TTC28: variants seen among roughly 807,000 people sequenced by gnomAD.
The protein encoded by TTC28 is tetratricopeptide repeat protein 28.
In TTC28, 61 loss-of-function variants were observed where a neutral mutation model predicts 198.0. The observed-to-expected ratio is 0.31, with a 90% confidence interval of 0.25 to 0.38. The LOEUF (loss-of-function observed/expected upper bound fraction) is 0.38, where lower values mean the gene tolerates loss of function less well. TTC28 is among the 10% of genes least tolerant of loss of function. TTC28 has a pLI of 1.00. For synonymous variants in TTC28, 1,171 were observed against 1,297.8 expected (o/e 0.90, Z 2.10); for missense variants, 2,678 against 3,164.0 (o/e 0.85, Z 3.69).
At chr22:27,993,172 C>T in intron 18 of TTC28, 115 bp downstream of exon 18, 2 of 977,070 alleles carry the variant, frequency 2.0e-6, no homozygotes, top group Non-Finnish European at 2.9e-6. Flanking sequence ...TCAGGACACC[C>T]TCCTGCTCCT....
At chr22:28,239,277 G>A (rs1364181969) in intron 5 of TTC28, among the ~76,000 whole-genome samples, 1 of 152,094 alleles carries the variant, frequency 6.6e-6, no homozygotes, top group African/African-American at 2.4e-5. Flanking sequence ...TGTCCAATAT[G>A]GTAGCCAATA....
At chr22:28,570,571 G>T (rs2050044142) in intron 2 of TTC28, among the ~76,000 whole-genome samples, 1 of 152,112 alleles carries the variant, frequency 6.6e-6, no homozygotes. Flanking sequence ...GGAGGAGAGT[G>T]AGGATCAGAA....
intron 3 of TTC28, among the ~76,000 whole-genome samples, chr22:28,305,093 C>T (rs942838861): frequency 2.0e-5 from 3 of 152,012 alleles, no homozygotes; most frequent in Non-Finnish European, 2.9e-5. Flanking sequence ...CAGGTTCAAG[C>T]GATTCTCCTG....
chr22:28,463,657 C>A (rs1283603977), intron 2 of TTC28, among the ~76,000 whole-genome samples: 3 of 151,044 alleles, frequency 2.0e-5, no homozygotes, highest in African/African-American at 7.3e-5. Flanking sequence ...CAAACTATGG[C>A]AAGGACAAAA....
chr22:28,640,874 C>T (rs2051354113), intron 1 of TTC28, among the ~76,000 whole-genome samples: 1 of 151,986 alleles, frequency 6.6e-6, no homozygotes, highest in Admixed American at 6.6e-5. Flanking sequence ...AGGTATCTAC[C>T]CAAATGAACT....
intron 5 of TTC28, among the ~76,000 whole-genome samples, chr22:28,187,444 A>G (rs1924303627): frequency 6.6e-6 from 1 of 152,200 alleles, no homozygotes; most frequent in Admixed American, 6.5e-5. Context: ...AAACTTCCTG[A>G]ACCAATGGTA....
chr22:28,163,809 G>A (rs983975305), intron 5 of TTC28, among the ~76,000 whole-genome samples: 6 of 152,184 alleles, frequency 3.9e-5, no homozygotes, highest in African/African-American at 1.4e-4. Flanking sequence ...CGGACAGTGG[G>A]TGCAGCGCAC....
At chr22:28,504,177 T>C (rs1323603517) in intron 2 of TTC28, among the ~76,000 whole-genome samples, 1 of 152,236 alleles carries the variant, frequency 6.6e-6, no homozygotes, top group Non-Finnish European at 1.5e-5. Flanking sequence ...CTCATCTGTG[T>C]AATAAATCTA....
intron 2 of TTC28, 35 bp from the exon 3 acceptor site, chr22:28,306,678 T>C: frequency 6.5e-7 from 1 of 1,548,680 alleles, no homozygotes; most frequent in African/African-American, 1.4e-5. Context: ...ATATAATGCC[T>C]GTGCTCCAAC....
Position 28,660,504 on chromosome 22 carries a change from T to C in TTC28, c.102+19118A>G, listed in dbSNP as rs148102626. Among the ~76,000 whole-genome samples the C allele has an allele frequency of 2.1e-4, 32 of 152,164 alleles. No individual in the cohort carries two copies. The East Asian group carries it at 6.2e-3, about 29-fold the overall frequency. On this transcript the variant is annotated intron_variant, in intron 1 of 22. Transcript: ENST00000397906. ...CCACACCCGGCTAATTTTTTGTTTT[T>C]GTTTTGTTTTGATTTGGTTTGGTTT...
intron 12 of TTC28, among the ~76,000 whole-genome samples, chr22:28,037,374 A>T (rs1939406056): frequency 6.6e-6 from 1 of 152,222 alleles, no homozygotes; most frequent in African/African-American, 2.4e-5. Flanking sequence ...TACGAAAATC[A>T]ATAAACGTAA....
chr22:28,137,290 G>A (rs1378959241), intron 6 of TTC28, among the ~76,000 whole-genome samples: 1 of 152,068 alleles, frequency 6.6e-6, no homozygotes, highest in Non-Finnish European at 1.5e-5. Flanking sequence ...AATGTTCTAG[G>A]GAGTTGTCTC....
At chr22:28,359,888 A>G (rs2046132442) in intron 2 of TTC28, among the ~76,000 whole-genome samples, 1 of 152,152 alleles carries the variant, frequency 6.6e-6, no homozygotes, top group Non-Finnish European at 1.5e-5. Flanking sequence ...AGATAGCTCC[A>G]TTCCAAGCAA....
At chr22:28,386,207 G>A (rs953230183) in intron 2 of TTC28, among the ~76,000 whole-genome samples, 2 of 141,904 alleles carry the variant, frequency 1.4e-5, no homozygotes, top group African/African-American at 2.6e-5. Context: ...CCCGGGAGGC[G>A]GAGCTTGCAG....
chr22:28,071,748 G>GAAAAAAAAAAAAAAAAAAAAA (rs371615737), intron 12 of TTC28, among the ~76,000 whole-genome samples: 11 of 91,130 alleles, frequency 1.2e-4, no homozygotes, highest in African/African-American at 1.6e-4. Context: ...AAAAAAAAAG[G>GAAAAAAAAAAAAAAAAAAAAA]AAAAAAAAAA....
intron 2 of TTC28, among the ~76,000 whole-genome samples, chr22:28,502,143 T>A (rs547046027): frequency 2.0e-5 from 3 of 152,320 alleles, no homozygotes; most frequent in African/African-American, 4.8e-5. Context: ...GCCTTGGAAA[T>A]CTACCTGATA....
intron 2 of TTC28, among the ~76,000 whole-genome samples, chr22:28,519,254 C>G (rs1279876618): frequency 6.6e-6 from 1 of 152,190 alleles, no homozygotes; most frequent in African/African-American, 2.4e-5. Context: ...CCTCTTCTAT[C>G]TATGGATAAT....
chr22:28,279,821 C>A (rs1232854625), intron 5 of TTC28, among the ~76,000 whole-genome samples: 1 of 152,222 alleles, frequency 6.6e-6, no homozygotes, highest in East Asian at 1.9e-4. Context: ...ACTGATCTGA[C>A]TGTTTTCGCT....
At chr22:28,243,953 G>C (rs746816651) in intron 5 of TTC28, among the ~76,000 whole-genome samples, 1 of 152,110 alleles carries the variant, frequency 6.6e-6, no homozygotes, top group Admixed American at 6.5e-5. Context: ...AAGAGAAATC[G>C]TTGTCCTTAT....
Sources: gnomAD v4.1 joint callset for allele counts (sites outside exome capture counted in the v4.1 genomes callset) on GRCh38, gnomAD v4.1.1 for gene constraint, MANE v1.5 for transcripts, NCBI Gene and HGNC (gene_info 2026-07-23, HGNC 2026-07-21) for gene names.